Variants in NRXN1 observed in about 807,000 individuals in gnomAD.
NRXN1 encodes the protein neurexin-1.
A neutral mutation model predicts 150.9 loss-of-function variants in NRXN1; 39 were observed. The observed-to-expected ratio is 0.26, with a 90% confidence interval of 0.20 to 0.34. The LOEUF is 0.34. Among genes scored for constraint, NRXN1 ranks in the 10% least tolerant of loss-of-function variants. NRXN1 has a pLI of 1.00. For missense variants in NRXN1, 1,815 were observed against 1,949.9 expected (o/e 0.93, Z 1.30); for synonymous variants, 924 against 757.0 (o/e 1.22, Z -3.62).
At chr2:50,655,855 C>A (rs555140685) in intron 5 of NRXN1, among the ~76,000 whole-genome samples, 1 of 151,842 alleles carries the variant, frequency 6.6e-6, no homozygotes, top group African/African-American at 2.4e-5. Flanking sequence ...CAAAGAGATG[C>A]AGGAAAATAA....
At chr2:50,620,284 T>G in intron 7 of NRXN1, 101 bp from the exon 8 acceptor site, 1 of 1,326,184 alleles carries the variant, frequency 7.5e-7, no homozygotes, top group Non-Finnish European at 1.0e-6. Flanking sequence ...TTTTTTGTTT[T>G]GTTTTGTTTT....
At chr2:50,890,105 T>C (rs1226455131) in intron 5 of NRXN1, among the ~76,000 whole-genome samples, 2 of 151,846 alleles carry the variant, frequency 1.3e-5, no homozygotes, top group Non-Finnish European at 2.9e-5. Flanking sequence ...CACACAAATA[T>C]GCACTGGGCA....
chr2:50,263,446 T>C (rs558636095), intron 17 of NRXN1, among the ~76,000 whole-genome samples: 63 of 152,096 alleles, frequency 4.1e-4, no homozygotes, highest in Non-Finnish European at 7.8e-4. Flanking sequence ...ACACAAATTA[T>C]TATTTTTATA....
chr2:50,611,505 A>T (rs996325558), intron 8 of NRXN1, among the ~76,000 whole-genome samples: 1 of 151,978 alleles, frequency 6.6e-6, no homozygotes. Context: ...AGCAGATGGG[A>T]CTCCCTGAAT....
intron 5 of NRXN1, among the ~76,000 whole-genome samples, chr2:50,695,573 T>C (rs1017028493): frequency 3.9e-5 from 6 of 152,202 alleles, no homozygotes; most frequent in African/African-American, 1.4e-4. Flanking sequence ...TTAGACTAAG[T>C]CTTTGCTTTC....
chr2:49,993,169 C>T (rs766285700), intron 21 of NRXN1, among the ~76,000 whole-genome samples: 2 of 152,022 alleles, frequency 1.3e-5, no homozygotes, highest in Admixed American at 6.6e-5. Flanking sequence ...AGGTATTCTT[C>T]GGTAAGTAAA....
intron 17 of NRXN1, among the ~76,000 whole-genome samples, chr2:50,319,704 C>G (rs1293750672): frequency 1.3e-5 from 2 of 151,624 alleles, no homozygotes; most frequent in Non-Finnish European, 1.5e-5. Flanking sequence ...CAGTGGCAGA[C>G]AGTGGCAGAC....
At chr2:49,944,023 C>T (rs1012293999) in intron 21 of NRXN1, among the ~76,000 whole-genome samples, 4 of 152,204 alleles carry the variant, frequency 2.6e-5, no homozygotes, top group African/African-American at 9.7e-5. Context: ...TGACAGCCAA[C>T]TTGTAGATAC....
At chr2:50,215,448 A>G (rs1296598331) in intron 18 of NRXN1, among the ~76,000 whole-genome samples, 1 of 152,050 alleles carries the variant, frequency 6.6e-6, no homozygotes, top group African/African-American at 2.4e-5. Context: ...TGTGTCTAAC[A>G]TTGTCTCAAT....
At chr2:50,129,008 A>C (rs2152745074) in intron 18 of NRXN1, among the ~76,000 whole-genome samples, 1 of 151,754 alleles carries the variant, frequency 6.6e-6, no homozygotes, top group South Asian at 2.1e-4. Flanking sequence ...TAAATAAATA[A>C]ATAAATAAAT....
chr2:50,563,376 T>C (rs1423833818), intron 8 of NRXN1, among the ~76,000 whole-genome samples: 1 of 152,180 alleles, frequency 6.6e-6, no homozygotes, highest in Non-Finnish European at 1.5e-5. Context: ...TATACAACTA[T>C]AGAGATAGAT....
At chr2:50,133,009 C>T (rs371994954) in intron 18 of NRXN1, among the ~76,000 whole-genome samples, 1 of 152,094 alleles carries the variant, frequency 6.6e-6, no homozygotes, top group African/African-American at 2.4e-5. Context: ...TTGGGTGTAT[C>T]TTAGGAAGAG....
chr2:50,323,333 C>G (rs1389198627), intron 17 of NRXN1, among the ~76,000 whole-genome samples: 1 of 152,094 alleles, frequency 6.6e-6, no homozygotes, highest in Non-Finnish European at 1.5e-5. Context: ...TAAGGTGAAG[C>G]TGATGCTGTC....
At chr2:50,148,356 G>T (rs2058487865) in intron 18 of NRXN1, among the ~76,000 whole-genome samples, 1 of 151,350 alleles carries the variant, frequency 6.6e-6, no homozygotes, top group East Asian at 2.0e-4. Context: ...ACTTCATGAA[G>T]TCTCTATAAG....
At chr2:50,619,854 A>G (rs1373818225) in intron 8 of NRXN1, 168 bp downstream of exon 8, 2 of 517,260 alleles carry the variant, frequency 3.9e-6, no homozygotes, top group African/African-American at 2.0e-5. Context: ...ATAATGATCT[A>G]TGAGCTGTTT....
chr2:50,007,363 C>G (rs1684939492), intron 21 of NRXN1, among the ~76,000 whole-genome samples: 1 of 151,824 alleles, frequency 6.6e-6, no homozygotes, highest in Non-Finnish European at 1.5e-5. Flanking sequence ...ATGTGGTGGT[C>G]ACATTTTGAC....
At chr2:50,118,980 T>C (rs1017087244) in intron 18 of NRXN1, among the ~76,000 whole-genome samples, 10 of 151,988 alleles carry the variant, frequency 6.6e-5, no homozygotes, top group East Asian at 1.9e-4. Flanking sequence ...AACCTGTCTT[T>C]TTTTTTTTTT....
chr2:50,678,925 T>A (rs1438895169), intron 5 of NRXN1, among the ~76,000 whole-genome samples: 1 of 152,082 alleles, frequency 6.6e-6, no homozygotes, highest in African/African-American at 2.4e-5. Flanking sequence ...AGGGAATTTA[T>A]GAGACTATGG....
At chr2:50,662,223 C>T (rs970274454) in intron 5 of NRXN1, among the ~76,000 whole-genome samples, 1 of 152,000 alleles carries the variant, frequency 6.6e-6, no homozygotes, top group Non-Finnish European at 1.5e-5. Context: ...GAACACCACA[C>T]CTGCCCTGCT....
Sources: allele counts gnomAD v4.1 joint callset (sites outside exome capture counted in the v4.1 genomes callset), GRCh38; gene constraint gnomAD v4.1.1; transcripts MANE v1.5; gene names NCBI Gene and HGNC (gene_info 2026-07-23, HGNC 2026-07-21).